PAK6: variants seen among roughly 807,000 people sequenced by gnomAD.
PAK6 encodes the protein p21 (RAC1) activated kinase 6, also known as serine/threonine-protein kinase PAK 6.
PAK6 carries 33 observed loss-of-function variants against 60.8 expected under a neutral mutation model. That is an observed-to-expected ratio of 0.54 (90% CI 0.41 to 0.73). The LOEUF (loss-of-function observed/expected upper bound fraction) is 0.73, where lower values mean the gene tolerates loss of function less well. Ranked by LOEUF, PAK6 falls within the 30% of genes least tolerant of loss-of-function variation. The pLI is 0.00. For synonymous variants in PAK6, 404 were observed against 378.5 expected, an observed-to-expected ratio of 1.07 and a Z score of -0.78; for missense variants, 845 against 904.1, an observed-to-expected ratio of 0.93 and a Z score of 0.84.
exon 8 of PAK6, chr15:40,273,441 G>A (rs1385647584): frequency 6.2e-7 from 1 of 1,613,946 alleles, no homozygotes; most frequent in South Asian, 1.1e-5. Context: ...GACATCAAGA[G>A]TGACTCCATC....
chr15:40,262,620 C>G (rs1356212656), intron 3 of PAK6, among the ~76,000 whole-genome samples: 8 of 152,186 alleles, frequency 5.3e-5, no homozygotes. Context: ...GTCCCAGACC[C>G]CTGACATCAG....
chr15:40,255,155 A>T (rs749017470), intron 3 of PAK6, among the ~76,000 whole-genome samples: 12 of 152,298 alleles, frequency 7.9e-5, no homozygotes, highest in Admixed American at 2.6e-4. Context: ...TGAGGACCCT[A>T]TGCTAAGGAC....
At chr15:40,240,059 C>T (rs2140934129) in intron 1 of PAK6, 1 of 153,000 alleles carries the variant, frequency 6.5e-6, no homozygotes, top group East Asian at 1.9e-4. Flanking sequence ...CAGGCCCTGT[C>T]TGGGTGCACA....
exon 5 of PAK6, chr15:40,266,078 C>T (rs776167579): frequency 6.2e-7 from 1 of 1,610,202 alleles, no homozygotes; most frequent in South Asian, 1.1e-5. Flanking sequence ...ACCTCAGCTG[C>T]AACGGGGGCA....
intron 2 of PAK6, chr15:40,252,320 G>GC (rs1566845187): frequency 2.3e-5 from 29 of 1,252,056 alleles, no homozygotes; most frequent in Non-Finnish European, 2.8e-5. Context: ...CCGCGAGGCG[G>GC]CCACTGGGCC....
At chr15:40,252,664 G>A (rs766372708) in intron 2 of PAK6, 3 of 1,318,034 alleles carry the variant, frequency 2.3e-6, no homozygotes, top group Admixed American at 2.2e-5. Context: ...CGACCTCTTC[G>A]AGCGTTCCTG....
Position 40,264,951 on chromosome 15 carries a change from C to T in PAK6, c.166C>T (p.Pro56Ser), listed in dbSNP as rs748152028. 3.1e-6 allele frequency: 5 copies of T among 1,613,620 alleles called. No homozygotes were observed. In the South Asian group the frequency reaches 5.5e-5, roughly 18 times the overall value. ...GCGGCGCCCCAAGCCCGTGGTGGACCCTTCGCGAATCACACGGGTGCAGCT... is the reference window on the plus strand; with the variant it reads ...GCGGCGCCCCAAGCCCGTGGTGGACTCTTCGCGAATCACACGGGTGCAGCT... Residue 56 changes from proline (P) to serine (S), a missense_variant, in exon 4 of 11, where the codon CCT becomes TCT. Pro to Ser is a moderately conservative substitution (Grantham distance 74, BLOSUM62 -1). Transcript: ENST00000560346.
chr15:40,250,439 C>T (rs567705359), intron 2 of PAK6, among the ~76,000 whole-genome samples: 18 of 152,298 alleles, frequency 1.2e-4, no homozygotes, highest in Non-Finnish European at 2.2e-4. Context: ...ACCCAACTGA[C>T]GGTTATTCTT....
chr15:40,244,244 T>A (rs1448788065), intron 2 of PAK6, among the ~76,000 whole-genome samples: 1 of 146,416 alleles, frequency 6.8e-6, no homozygotes, highest in African/African-American at 2.5e-5. Flanking sequence ...GGCAGGGGAA[T>A]CGCTTGAACC....
At chr15:40,272,565 G>C in exon 6 of PAK6, 1 of 1,613,556 alleles carries the variant, frequency 6.2e-7, no homozygotes, top group Non-Finnish European at 8.5e-7. Context: ...TGGTGGACCA[G>C]GGTGACCCCC....
chr15:40,275,198 A>G (rs879808824), intron 10 of PAK6, among the ~76,000 whole-genome samples: 2 of 150,354 alleles, frequency 1.3e-5, no homozygotes, highest in Non-Finnish European at 3.0e-5. Flanking sequence ...CAACAAAGAA[A>G]TCTTCCTTTT....
intron 10 of PAK6, 55 bp downstream of exon 10, chr15:40,274,331 G>A: frequency 6.6e-7 from 1 of 1,524,560 alleles, no homozygotes. Context: ...CTGAGGCAAG[G>A]GGACCAGAAC....
At chr15:40,252,826 TCTGGAGCTCCGCGTCC>T (rs1174283299) in intron 2 of PAK6, 11 of 1,288,912 alleles carry the variant, frequency 8.5e-6, no homozygotes, top group Middle Eastern at 3.2e-4. Flanking sequence ...GGCGCAGGCA[TCTGGAGCTCCGCGTCC>T]CTGGAGCGGG....
At chr15:40,242,013 A>C (rs2038365972) in intron 2 of PAK6, among the ~76,000 whole-genome samples, 1 of 149,164 alleles carries the variant, frequency 6.7e-6, no homozygotes, top group African/African-American at 2.4e-5. Context: ...AGAGCTGAGC[A>C]GGGGCTGCTG....
intron 1 of PAK6, 90 bp from the exon 2 acceptor site, chr15:40,240,509 A>AGGAGCC (rs2038293625): frequency 2.6e-6 from 1 of 388,998 alleles, no homozygotes; most frequent in East Asian, 7.2e-5. Flanking sequence ...AATACCAACC[A>AGGAGCC]GGAGCCTTCA....
At chr15:40,273,404 C>A (rs1392176646) in exon 8 of PAK6, 1 of 1,613,980 alleles carries the variant, frequency 6.2e-7, no homozygotes, top group Non-Finnish European at 8.5e-7. Context: ...CCTGGCCTAC[C>A]TGCATGCTCA....
intron 3 of PAK6, among the ~76,000 whole-genome samples, chr15:40,255,726 C>A (rs993772054): frequency 1.3e-5 from 2 of 152,136 alleles, no homozygotes; most frequent in African/African-American, 4.8e-5. Flanking sequence ...CAGAGTTCAG[C>A]TCCACACAAG....
intron 2 of PAK6, chr15:40,251,831 CA>C (rs1486705542): frequency 1.3e-5 from 2 of 152,790 alleles, no homozygotes; most frequent in African/African-American, 4.8e-5. Flanking sequence ...AAACATGGCA[CA>C]GGGGCAGCCA....
intron 2 of PAK6, chr15:40,252,967 G>A: frequency 4.3e-6 from 3 of 692,702 alleles, no homozygotes; most frequent in Non-Finnish European, 6.0e-6. Flanking sequence ...TGTGGCTGGA[G>A]AGGGGCCGCC....
Sources: allele counts gnomAD v4.1 joint callset (sites outside exome capture counted in the v4.1 genomes callset), GRCh38; gene constraint gnomAD v4.1.1; transcripts MANE v1.5; gene names NCBI Gene and HGNC (gene_info 2026-07-23, HGNC 2026-07-21).